MYBPC1: variants seen among roughly 807,000 people sequenced by gnomAD.
MYBPC1 encodes the protein myosin binding protein C1, also known as myosin-binding protein C, slow-type.
MYBPC1 carries 52 observed loss-of-function variants against 147.1 expected under a neutral mutation model. That is an observed-to-expected ratio of 0.35 (90% CI 0.28 to 0.45). The LOEUF is 0.45. Among genes scored for constraint, MYBPC1 ranks in the 20% least tolerant of loss-of-function variants. The pLI is 1.00. For synonymous variants in MYBPC1, 477 were observed against 475.9 expected (o/e 1.00, Z -0.03); for missense variants, 1,228 against 1,440.3 (o/e 0.85, Z 2.39).
chr12:101,653,782 T>C (rs1895012789), intron 18 of MYBPC1, among the ~76,000 whole-genome samples: 1 of 152,076 alleles, frequency 6.6e-6, no homozygotes, highest in African/African-American at 2.4e-5. Context: ...AAAGCCAGCA[T>C]GGCTGGGGCA....
chr12:101,608,916 G>A (rs117151115), intron 1 of MYBPC1, among the ~76,000 whole-genome samples: 1 of 152,282 alleles, frequency 6.6e-6, no homozygotes, highest in Non-Finnish European at 1.5e-5. Context: ...AGTGTTCCTT[G>A]TGGGTAACAC....
At chr12:101,681,909 G>C (rs1432205561) in intron 29 of MYBPC1, among the ~76,000 whole-genome samples, 1 of 151,814 alleles carries the variant, frequency 6.6e-6, no homozygotes, top group Non-Finnish European at 1.5e-5. Context: ...GCACCCAGCT[G>C]CTTTCCTCTT....
intron 18 of MYBPC1, among the ~76,000 whole-genome samples, chr12:101,653,607 G>T (rs1593922241): frequency 6.6e-6 from 1 of 152,162 alleles, no homozygotes; most frequent in African/African-American, 2.4e-5. Flanking sequence ...GATAATAAAA[G>T]AGAATGATAC....
intron 10 of MYBPC1, among the ~76,000 whole-genome samples, chr12:101,638,696 G>C (rs924186247): frequency 1.3e-5 from 2 of 152,052 alleles, no homozygotes; most frequent in African/African-American, 4.8e-5. Context: ...AAAGAAAAAA[G>C]AACAGACTTT....
Position 101,619,087 on chromosome 12 carries a change from A to G in MYBPC1, c.103+1844A>G, listed in dbSNP as rs76470068. On this transcript the variant is annotated intron_variant, in intron 3 of 31. Transcript: ENST00000361466. ...AATACCTATGCAAAAAGTAGACACA[A>G]TAATTACTGCTACTTGGATATCCCC... 7.2e-3 allele frequency among the ~76,000 whole-genome samples: 1,091 copies of G among 152,300 alleles called. 33 individuals are homozygous for G. The South Asian group carries it at 0.1, about 14-fold the overall frequency.
intron 1 of MYBPC1, among the ~76,000 whole-genome samples, chr12:101,613,864 C>T (rs1260030134): frequency 6.6e-6 from 1 of 152,162 alleles, no homozygotes; most frequent in Non-Finnish European, 1.5e-5. Flanking sequence ...TTGCACCGTC[C>T]TTGTAAAACA....
chr12:101,662,072 T>C (rs908913391), intron 20 of MYBPC1, among the ~76,000 whole-genome samples: 2 of 152,094 alleles, frequency 1.3e-5, no homozygotes, highest in African/African-American at 4.8e-5. Context: ...TCTGATTATA[T>C]TGTTCACCTA....
intron 1 of MYBPC1, among the ~76,000 whole-genome samples, chr12:101,612,691 T>G (rs1884711765): frequency 6.6e-6 from 1 of 152,208 alleles, no homozygotes; most frequent in African/African-American, 2.4e-5. Flanking sequence ...TCCTTGGGCA[T>G]GGCATGGCAA....
At chr12:101,624,549 G>T (rs778389725) in intron 3 of MYBPC1, among the ~76,000 whole-genome samples, 3 of 152,138 alleles carry the variant, frequency 2.0e-5, no homozygotes, top group East Asian at 1.9e-4. Flanking sequence ...GTACAGTGGC[G>T]TGATGATGGC....
intron 2 of MYBPC1, 102 bp from the exon 3 acceptor site, chr12:101,617,100 T>C: frequency 2.0e-6 from 2 of 1,005,898 alleles, no homozygotes; most frequent in Non-Finnish European, 1.6e-6. Flanking sequence ...TGACCTGTTC[T>C]GCTGTCATTT....
At position 101,649,370 on chromosome 12, in the gene MYBPC1, C is replaced by G. The variant is rs1159696725; in HGVS notation, c.1307C>G (p.Ala436Gly). 3.1e-6 allele frequency: 5 copies of G among 1,613,900 alleles called. No homozygotes were observed. Among genetic ancestry groups the G allele is most frequent in the Non-Finnish European group, 4.2e-6 (5 of 1,179,878 alleles). Residue 436 changes from alanine to glycine, a missense_variant, in exon 15 of 32, where the codon GCA becomes GGA. Around this residue, in one of 2 missense-constraint regions of MYBPC1, gnomAD observed 1,077 missense variants for 1,314.2 expected, o/e 0.82. Transcript: ENST00000361466. ...GAGGGAGCAACAAAGGCTGATGCTGCAGAATATTCAGTAATGACAACAGGA... is the reference window on the plus strand; with the variant it reads ...GAGGGAGCAACAAAGGCTGATGCTGGAGAATATTCAGTAATGACAACAGGA... ...IIEGATKADA[A>G]EYSVMTTGGQ...
At chr12:101,691,256 G>A in the MYBPC1 span, among the ~76,000 whole-genome samples, 2 of 152,106 alleles carry the variant, frequency 1.3e-5, no homozygotes, top group African/African-American at 4.8e-5. Flanking sequence ...ATTTTTAGTA[G>A]CGACTGGGCT....
chr12:101,623,800 G>A (rs1887966682), intron 3 of MYBPC1, among the ~76,000 whole-genome samples: 1 of 152,152 alleles, frequency 6.6e-6, no homozygotes, highest in South Asian at 2.1e-4. Context: ...TCTATGGCAA[G>A]TAATATTATG....
intron 11 of MYBPC1, 45 bp downstream of exon 11, chr12:101,642,630 C>T (rs1365582710): frequency 6.4e-7 from 1 of 1,573,080 alleles, no homozygotes; most frequent in Non-Finnish European, 8.6e-7. Flanking sequence ...GGCGTGGCAG[C>T]GTTCGAAAGC....
rs558077641 is a variant in MYBPC1, at chr12:101,642,430, A to G, written c.677A>G (p.Gln226Arg). 14 of 1,614,166 alleles carry G rather than the reference A, an allele frequency of 8.7e-6. No individual in the cohort carries two copies. The African/African-American group carries it at 1.7e-4, about 20-fold the overall frequency. ...TTCTCCCCGGTTAGGGAGGTGAAGC[A>G]GCAGGAGGAAGAACCCCAGGTGGAC... ...SGLLKRREVK[Q>R]QEEEPQVDVW... The change falls in exon 11 of 32, where the codon CAG becomes CGG. Residue 226 changes from glutamine (Q) to arginine (R), a missense_variant. Physicochemically the swap from Gln to Arg is conservative, Grantham distance 43. Coordinates refer to ENST00000361466, the MANE Select transcript of MYBPC1 (RefSeq NM_002465.4).
intron 6 of MYBPC1, among the ~76,000 whole-genome samples, chr12:101,631,332 C>G (rs1033674659): frequency 2.6e-5 from 4 of 152,066 alleles, no homozygotes; most frequent in Non-Finnish European, 5.9e-5. Context: ...ATAAAAATTA[C>G]TTCCACTGGT....
chr12:101,627,909 T>C, intron 5 of MYBPC1, 105 bp downstream of exon 5: 1 of 1,342,426 alleles, frequency 7.4e-7, no homozygotes, highest in Non-Finnish European at 1.1e-6. Flanking sequence ...TTATTCAGAT[T>C]GTAGTTTTTA....
intron 31 of MYBPC1, among the ~76,000 whole-genome samples, chr12:101,685,056 A>G (rs7296347): frequency 0.21 from 32,191 of 152,060 alleles, 3,898 homozygotes; most frequent in Middle Eastern, 0.35. Context: ...TTATAATTTT[A>G]ACAAAATATT....
At chr12:101,662,074 G>GTT (rs997114041) in intron 20 of MYBPC1, among the ~76,000 whole-genome samples, 9 of 151,768 alleles carry the variant, frequency 5.9e-5, no homozygotes, top group Non-Finnish European at 1.5e-5. Context: ...TGATTATATT[G>GTT]TTCACCTACA....
Sources: gnomAD v4.1 joint callset for allele counts (sites outside exome capture counted in the v4.1 genomes callset) on GRCh38, gnomAD v4.1.1 for gene constraint, gnomAD v4.1.1 regional missense constraint, MANE v1.5 for transcripts, NCBI Gene and HGNC (gene_info 2026-07-23, HGNC 2026-07-21) for gene names.